PDE4B: variants seen among roughly 807,000 people sequenced by gnomAD.
The protein encoded by PDE4B is 3',5'-cyclic-AMP phosphodiesterase 4B.
PDE4B carries 20 observed loss-of-function variants against 82.2 expected under a neutral mutation model. That is an observed-to-expected ratio of 0.24 (90% CI 0.17 to 0.35). The LOEUF is 0.35. Among genes scored for constraint, PDE4B ranks in the 10% least tolerant of loss-of-function variants. PDE4B has a pLI of 1.00. For missense variants in PDE4B, 655 were observed against 907.2 expected (o/e 0.72, Z 3.57); for synonymous variants, 320 against 318.9 (o/e 1.00, Z -0.04).
chr1:65,913,403 A>G (rs1647119593), intron 2 of PDE4B, 47 bp downstream of exon 2: 1 of 1,578,130 alleles, frequency 6.3e-7, no homozygotes, highest in African/African-American at 1.3e-5. Flanking sequence ...TCAATAAAGA[A>G]GTCACTGGAT....
At position 66,341,522 on chromosome 1, in the gene PDE4B, A is replaced by G. The variant is rs535161478; in HGVS notation, c.747+8902A>G. On this transcript the variant is annotated intron_variant, in intron 8 of 16. Transcript: ENST00000341517. Reference sequence around the variant, plus strand: ...AACATAGCAAGAACTAGTTGGAGTGAGTTACTTTAAATGCCCCTGGTTTTA... The same window carrying G: ...AACATAGCAAGAACTAGTTGGAGTGGGTTACTTTAAATGCCCCTGGTTTTA... Among the ~76,000 whole-genome samples the G allele has an allele frequency of 2.4e-4, 36 of 152,326 alleles. No homozygotes were observed. The South Asian group carries it at 7.5e-3, about 32-fold the overall frequency.
intron 3 of PDE4B, among the ~76,000 whole-genome samples, chr1:66,081,919 CATGTA>C (rs1656761895): frequency 1.3e-5 from 2 of 150,304 alleles, no homozygotes; most frequent in Admixed American, 6.7e-5. Context: ...ATTAAAATAG[CATGTA>C]CTCATTTCAC....
intron 3 of PDE4B, among the ~76,000 whole-genome samples, chr1:65,949,234 T>C (rs1648870567): frequency 6.6e-6 from 1 of 152,108 alleles, no homozygotes; most frequent in African/African-American, 2.4e-5. Context: ...CTTGGGCATG[T>C]CTTATGGGCC....
intron 3 of PDE4B, among the ~76,000 whole-genome samples, chr1:66,019,246 A>C (rs905387045): frequency 6.6e-6 from 1 of 152,166 alleles, no homozygotes; most frequent in Non-Finnish European, 1.5e-5. Flanking sequence ...TTATTTAAAA[A>C]GCAATTTTTA....
At chr1:66,151,852 G>C (rs930333762) in intron 3 of PDE4B, among the ~76,000 whole-genome samples, 1 of 152,074 alleles carries the variant, frequency 6.6e-6, no homozygotes, top group African/African-American at 2.4e-5. Flanking sequence ...AATAAACCTG[G>C]CTATCCAGAA....
chr1:66,193,903 C>T (rs1342998100), intron 3 of PDE4B, among the ~76,000 whole-genome samples: 1 of 151,114 alleles, frequency 6.6e-6, no homozygotes, highest in Non-Finnish European at 1.5e-5. Context: ...GTTCACCCTT[C>T]TGTCTGAGGC....
At chr1:66,250,428 C>T (rs1423008793) in intron 4 of PDE4B, among the ~76,000 whole-genome samples, 1 of 152,152 alleles carries the variant, frequency 6.6e-6, no homozygotes, top group Non-Finnish European at 1.5e-5. Flanking sequence ...TTTTTCTCAT[C>T]TGAATTTTTT....
chr1:66,206,367 G>GC (rs1199764284), intron 3 of PDE4B, among the ~76,000 whole-genome samples: 2 of 152,130 alleles, frequency 1.3e-5, no homozygotes, highest in Admixed American at 1.3e-4. Context: ...AGAATCTCTA[G>GC]CGGGGGGATA....
intron 1 of PDE4B, among the ~76,000 whole-genome samples, chr1:65,885,471 T>A (rs935382384): frequency 6.6e-5 from 10 of 152,220 alleles, no homozygotes; most frequent in Admixed American, 1.3e-4. Context: ...CAAATTTCCA[T>A]CAATGATAGA....
intron 7 of PDE4B, among the ~76,000 whole-genome samples, chr1:66,278,322 A>T (rs886935347): frequency 6.6e-6 from 1 of 152,228 alleles, no homozygotes; most frequent in Admixed American, 6.5e-5. Context: ...GCAGCTGCCC[A>T]GCTGCTACAG....
intron 1 of PDE4B, among the ~76,000 whole-genome samples, chr1:65,818,542 T>C: frequency 6.6e-6 from 1 of 151,958 alleles, no homozygotes; most frequent in Non-Finnish European, 1.5e-5. Context: ...CTTCATTTTC[T>C]TGTGTGTGTC....
intron 3 of PDE4B, among the ~76,000 whole-genome samples, chr1:66,187,924 G>A (rs758579848): frequency 2.0e-5 from 3 of 151,274 alleles, no homozygotes; most frequent in Non-Finnish European, 4.4e-5. Context: ...TAATTGTGAT[G>A]TTGGGGTGTC....
At chr1:65,807,740 G>A (rs972156072) in intron 1 of PDE4B, among the ~76,000 whole-genome samples, 4 of 152,142 alleles carry the variant, frequency 2.6e-5, no homozygotes, top group African/African-American at 4.8e-5. Context: ...TGAGCCTAAC[G>A]AACTTTTCAA....
chr1:65,965,352 C>T (rs1402772344), intron 3 of PDE4B, among the ~76,000 whole-genome samples: 2 of 152,006 alleles, frequency 1.3e-5, no homozygotes, highest in Non-Finnish European at 2.9e-5. Context: ...GTGCAGGATC[C>T]TATTCTCAAA....
chr1:65,883,331 C>T (rs1421716254), intron 1 of PDE4B, among the ~76,000 whole-genome samples: 10 of 152,212 alleles, frequency 6.6e-5, no homozygotes, highest in South Asian at 4.1e-4. Flanking sequence ...TTTTATTTCG[C>T]TGAGCAGTGG....
chr1:66,011,600 G>A (rs1652491632), intron 3 of PDE4B, among the ~76,000 whole-genome samples: 1 of 152,054 alleles, frequency 6.6e-6, no homozygotes, highest in Non-Finnish European at 1.5e-5. Flanking sequence ...TCTCTTTGAT[G>A]ACAGACACTA....
intron 3 of PDE4B, among the ~76,000 whole-genome samples, chr1:66,138,293 T>A (rs994768227): frequency 2.6e-5 from 4 of 152,160 alleles, no homozygotes; most frequent in Admixed American, 1.3e-4. Context: ...CCAAGGTGGT[T>A]GGATCACCTG....
intron 3 of PDE4B, among the ~76,000 whole-genome samples, chr1:66,210,370 G>A (rs1649926612): frequency 6.6e-6 from 1 of 151,842 alleles, no homozygotes; most frequent in Non-Finnish European, 1.5e-5. Flanking sequence ...GGTCAAGCCG[G>A]GCAGATCACG....
At chr1:65,874,094 G>C (rs1057480860) in intron 1 of PDE4B, among the ~76,000 whole-genome samples, 6 of 151,652 alleles carry the variant, frequency 4.0e-5, no homozygotes, top group Admixed American at 1.3e-4. Context: ...TTATTTCCTT[G>C]AGCAGTGGTT....
Sources: allele counts gnomAD v4.1 joint callset (sites outside exome capture counted in the v4.1 genomes callset), GRCh38; gene constraint gnomAD v4.1.1; transcripts MANE v1.5; gene names NCBI Gene and HGNC (gene_info 2026-07-23, HGNC 2026-07-21).